ZC3H7B: variants seen among roughly 807,000 people sequenced by gnomAD.
ZC3H7B encodes zinc finger CCCH domain-containing protein 7B.
In ZC3H7B, 35 loss-of-function variants were observed where a neutral mutation model predicts 116.0. The observed-to-expected ratio is 0.30, with a 90% CI of 0.23 to 0.40. ZC3H7B has a LOEUF of 0.40. Among genes scored for constraint, ZC3H7B ranks in the 10% least tolerant of loss-of-function variants. The pLI, the probability that ZC3H7B is intolerant of heterozygous loss-of-function variation, is 1.00. For missense variants in ZC3H7B, 1,011 were observed against 1,321.5 expected (o/e 0.77, Z 3.64); for synonymous variants, 502 against 545.6 (o/e 0.92, Z 1.11).
At chr22:41,313,833 G>A (rs1156280094) in intron 1 of ZC3H7B, among the ~76,000 whole-genome samples, 1 of 151,502 alleles carries the variant, frequency 6.6e-6, no homozygotes, top group East Asian at 2.0e-4. Context: ...ACTTCCTTCG[G>A]TCTTTCGGGT....
rs995163372 is a variant in ZC3H7B, at chr22:41,358,553, C to T, written c.*1124C>T. ...TGCGGAGAAAAGGGAGGCTTGACCC[C>T]GGGCACCATGGGCCACTCCAGGATG... On this transcript the variant is annotated 3_prime_UTR_variant, in exon 23 of 23. Transcript: ENST00000352645. The T allele has an allele frequency of 9.2e-5, 14 of 152,306 alleles. No individual in the cohort carries two copies. Among genetic ancestry groups the T allele is most frequent in the Non-Finnish European group, 4.4e-5 (3 of 68,212 alleles). 9.4% of individuals were successfully genotyped at this position (152,306 alleles called of 1,614,324 possible).
intron 17 of ZC3H7B, among the ~76,000 whole-genome samples, chr22:41,354,454 C>T (rs1464943807): frequency 6.6e-6 from 1 of 152,212 alleles, no homozygotes; most frequent in African/African-American, 2.4e-5. Context: ...CCTTCCTGCT[C>T]CAGGGCAGGC....
At chr22:41,348,202 G>A in intron 15 of ZC3H7B, 35 bp downstream of exon 15, 1 of 1,591,588 alleles carries the variant, frequency 6.3e-7, no homozygotes, top group South Asian at 1.1e-5. Flanking sequence ...TGAGGCCTAG[G>A]GGCCAGTGGA....
At position 41,341,115 on chromosome 22, in the gene ZC3H7B, C is replaced by A. The variant is rs1555958814; in HGVS notation, c.1166C>A (p.Pro389His). The change falls in exon 11 of 23, where the codon CCC becomes CAC. Residue 389 changes from proline (P) to histidine (H), a missense_variant. Around this residue, in one of 5 missense-constraint regions of ZC3H7B, gnomAD observed 99 missense variants for 89.5 expected, o/e 1.11. Coordinates refer to ENST00000352645, the MANE Select transcript of ZC3H7B (RefSeq NM_017590.6). ...GAGACCAACTCACAGGACCACCGTC[C>A]CCCTAGCGGTGCTCAGAAACCAGCC... is the stretch of plus-strand genomic sequence containing the variant. ...MEETNSQDHR[P>H]PSGAQKPAPS... is the part of the protein sequence containing the mutation. The A allele has an allele frequency of 6.2e-7, 1 of 1,613,900 alleles. No individual in the cohort carries two copies. The highest frequency in any genetic ancestry group is 8.5e-7 in the Non-Finnish European group (1 of 1,179,872).
intron 13 of ZC3H7B, among the ~76,000 whole-genome samples, chr22:41,345,592 A>AG (rs1368618466): frequency 2.6e-5 from 4 of 152,242 alleles, no homozygotes; most frequent in Non-Finnish European, 5.9e-5. Context: ...TCTCAAAAAA[A>AG]AAATCCCTTC....
At position 41,346,293 on chromosome 22, in the gene ZC3H7B, A is replaced by T; in HGVS notation, c.1665+85A>T. ...CTCCCTGGCACGGACCACCATAGGA[A>T]GTCAGCCCTGGAACCCGTGGGCTGT... On this transcript the variant is annotated intron_variant, in intron 14 of 22. Transcript: ENST00000352645. The surrounding 1 kb of genome is among the most constrained non-coding windows in gnomAD (Gnocchi z 5.3). The T allele has an allele frequency of 1.3e-6, 2 of 1,485,986 alleles. No homozygotes were observed. The allele number at this position is 1,485,986 out of a possible 1,614,324, so 92.1% of individuals were successfully genotyped here. A position where few individuals can be genotyped will look rare whatever the true frequency, so the allele number is the denominator to read the frequency against.
intron 1 of ZC3H7B, among the ~76,000 whole-genome samples, chr22:41,319,384 G>C (rs2036225778): frequency 6.6e-6 from 1 of 151,946 alleles, no homozygotes; most frequent in Non-Finnish European, 1.5e-5. Context: ...CTGGGCGACA[G>C]AGCAGAACTC....
chr22:41,346,050 G>A lies in ZC3H7B; in HGVS notation c.1507G>A (p.Ala503Thr), dbSNP rs759747712. The A allele has an allele frequency of 2.5e-6, 4 of 1,613,972 alleles. No individual in the cohort carries two copies. Among genetic ancestry groups the A allele is most frequent in the Non-Finnish European group, 3.4e-6 (4 of 1,180,024 alleles). The part of the protein sequence containing the change: ...DCKYGDNCTF[A>T]YHQEEIDVWT... ...TAAGTACGGGGATAACTGCACCTTC[G>A]CCTACCATCAGGAGGAGATCGACGT... Residue 503 changes from alanine (A) to threonine (T), a missense_variant, in exon 14 of 23, where the codon GCC becomes ACC. By Grantham distance (58) the Ala-to-Thr change is moderately conservative. Around this residue, in one of 5 missense-constraint regions of ZC3H7B, gnomAD observed 179 missense variants for 178.5 expected, o/e 1.00. Transcript: ENST00000352645. This position sits in a 1 kb window ranked among gnomAD's most constrained non-coding sequence, Gnocchi z 5.3.
intron 17 of ZC3H7B, 49 bp from the exon 18 acceptor site, chr22:41,355,420 A>C: frequency 6.2e-7 from 1 of 1,607,122 alleles, no homozygotes; most frequent in Non-Finnish European, 8.5e-7. Context: ...CCAGGGCCTC[A>C]GGCCTGGTGC....
chr22:41,353,090 A>G (rs1371983392), intron 17 of ZC3H7B, among the ~76,000 whole-genome samples: 2 of 151,918 alleles, frequency 1.3e-5, no homozygotes, highest in Non-Finnish European at 2.9e-5. Flanking sequence ...AAAAAAAAAA[A>G]AGAAGAAAAA....
intron 17 of ZC3H7B, among the ~76,000 whole-genome samples, chr22:41,353,292 CTGAG>C (rs1341722571): frequency 6.6e-6 from 1 of 152,200 alleles, no homozygotes; most frequent in Non-Finnish European, 1.5e-5. Context: ...CAGGGGCACA[CTGAG>C]TGGGGCAATT....
rs76036983 is a variant in ZC3H7B at position 41,331,554 on chromosome 22, CA to C, written c.526-596del. On this transcript the variant is annotated intron_variant, in intron 6 of 22. Coordinates refer to ENST00000352645, the MANE Select transcript of ZC3H7B (RefSeq NM_017590.6). ...TGGGCAACAGAGCGAGACTCTGCCTCAAAAAAAAAAAAAAAAAAAAAGAGAG... is the reference window on the plus strand; with the variant it reads ...TGGGCAACAGAGCGAGACTCTGCCTCAAAAAAAAAAAAAAAAAAAAGAGAG... 5.3e-3 allele frequency among the ~76,000 whole-genome samples: 272 copies of C among 51,322 alleles called. 1 individual carries two copies. The highest frequency in any genetic ancestry group is 0.049 in the South Asian group (80 of 1,648). The allele number at this position is 51,322 out of a possible 152,430, so 33.7% of individuals were successfully genotyped here. A position where few individuals can be genotyped will look rare whatever the true frequency, so the allele number is the denominator to read the frequency against.
chr22:41,333,977 G>C (rs1459359341), intron 7 of ZC3H7B: 1 of 152,222 alleles, frequency 6.6e-6, no homozygotes, highest in Non-Finnish European at 1.5e-5. Context: ...AGGGTGTGCA[G>C]GTGAAACAGC....
Position 41,338,798 on chromosome 22 carries a change from C to A in ZC3H7B, c.626-203C>A, listed in dbSNP as rs907498933. Among the ~76,000 whole-genome samples, 1 of 152,180 alleles carries A rather than the reference C, an allele frequency of 6.6e-6. No homozygotes were observed. Among genetic ancestry groups the A allele is most frequent in the African/African-American group, 2.4e-5 (1 of 41,440 alleles). On this transcript the variant is annotated intron_variant, in intron 8 of 22. Coordinates refer to ENST00000352645, the MANE Select transcript of ZC3H7B (RefSeq NM_017590.6). The surrounding 1 kb of genome is among the most constrained non-coding windows in gnomAD (Gnocchi z 4.5). ...AGGATTGACATCATAGGACTGAGGGCCCCTCCCTGCTCTGGGGCTGTGGCC... is the reference window on the plus strand; with the variant it reads ...AGGATTGACATCATAGGACTGAGGGACCCTCCCTGCTCTGGGGCTGTGGCC...
intron 1 of ZC3H7B, among the ~76,000 whole-genome samples, chr22:41,308,823 C>G (rs2036080184): frequency 6.6e-6 from 1 of 152,088 alleles, no homozygotes; most frequent in Non-Finnish European, 1.5e-5. Context: ...GGTGTTGCAG[C>G]CACGGTGGCC....
intron 14 of ZC3H7B, among the ~76,000 whole-genome samples, chr22:41,347,189 C>T (rs2036597108): frequency 6.6e-6 from 1 of 152,210 alleles, no homozygotes; most frequent in Admixed American, 6.5e-5. Flanking sequence ...CACAGCCAAA[C>T]CCCCAGGACA....
chr22:41,351,478 G>A lies in ZC3H7B; in HGVS notation c.1949-83G>A. The A allele has an allele frequency of 7.7e-7, 1 of 1,303,210 alleles. No individual in the cohort carries two copies. Among genetic ancestry groups the A allele is most frequent in the Non-Finnish European group, 1.1e-6 (1 of 938,248 alleles). The allele number at this position is 1,303,210 out of a possible 1,614,324, so 80.7% of individuals were successfully genotyped here. On this transcript the variant is annotated intron_variant, in intron 16 of 22. Transcript: ENST00000352645. This position sits in a 1 kb window ranked among gnomAD's most constrained non-coding sequence, Gnocchi z 5.1. ...GGGCTCCTCCAGCTGGGCCTCGGGG[G>A]TCCCTGGCACCTCGTGGACCCCCTG...
chr22:41,303,853 G>C (rs1348119322), intron 1 of ZC3H7B, among the ~76,000 whole-genome samples: 2 of 152,026 alleles, frequency 1.3e-5, no homozygotes, highest in South Asian at 4.2e-4. Flanking sequence ...CGCCTCCCGG[G>C]TTCACGCCAT....
At chr22:41,350,344 G>C (rs1003579855) in intron 16 of ZC3H7B, among the ~76,000 whole-genome samples, 1 of 152,172 alleles carries the variant, frequency 6.6e-6, no homozygotes, top group Non-Finnish European at 1.5e-5. Flanking sequence ...TTCTAAATAT[G>C]ATTTACAGTG....
Sources: gnomAD v4.1 joint callset for allele counts (sites outside exome capture counted in the v4.1 genomes callset) on GRCh38, gnomAD v4.1.1 for gene constraint, gnomAD v4.1.1 regional missense constraint, Gnocchi (gnomAD v3.1) non-coding constraint, MANE v1.5 for transcripts, NCBI Gene and HGNC (gene_info 2026-07-23, HGNC 2026-07-21) for gene names.